The following PAH variants were observed in gnomAD, a reference collection of about 807,000 sequenced individuals.
The protein encoded by PAH is phenylalanine hydroxylase.
A neutral mutation model predicts 62.0 loss-of-function variants in PAH; 64 were observed. The ratio of observed to expected loss-of-function variants is 1.03; its 90% CI spans 0.84 to 1.27. PAH has a LOEUF of 1.27. Ranked by LOEUF, PAH falls within the 50% of genes most tolerant of loss-of-function variation. PAH has a pLI of 0.00. For synonymous variants in PAH, 195 were observed against 196.2 expected (o/e 0.99, Z 0.05); for missense variants, 579 against 542.8 (o/e 1.07, Z -0.66).
chr12:102,864,321 T>G (rs1203963137), intron 5 of PAH, among the ~76,000 whole-genome samples: 1 of 152,168 alleles, frequency 6.6e-6, no homozygotes, highest in Non-Finnish European at 1.5e-5. Context: ...TTTGAGATTC[T>G]GATTCTGCTT....
At chr12:102,958,290 C>A in exon 1 of PAH, 1 of 1,479,276 alleles carries the variant, frequency 6.8e-7, no homozygotes. Flanking sequence ...CGGCCAGCAG[C>A]CCCAGCCGCA....
At position 102,958,321 on chromosome 12, in the gene PAH, C is replaced by A. The variant is rs1433237057; in HGVS notation, c.-222G>T. 4 of 1,470,714 alleles carry A rather than the reference C, an allele frequency of 2.7e-6. No individual in the cohort carries two copies. In the Admixed American group the frequency reaches 1.0e-4, roughly 37 times the overall value. The allele number at this position is 1,470,714 out of a possible 1,614,324, so 91.1% of individuals were successfully genotyped here. A position where few individuals can be genotyped will look rare whatever the true frequency, so the allele number is the denominator to read the frequency against. ...CCGCAGCCCCAGCAGCCCTTCCTGC[C>A]GCCCGCAGCCTGTTTCTTTGCCACG... On this transcript the variant is annotated 5_prime_UTR_variant, in exon 1 of 5. Coordinates refer to the PAH transcript ENST00000551337.
At chr12:102,850,811 G>C (rs991851708) in intron 8 of PAH, among the ~76,000 whole-genome samples, 2 of 152,156 alleles carry the variant, frequency 1.3e-5, no homozygotes, top group African/African-American at 4.8e-5. Context: ...TTTTTGGCCA[G>C]GTGTGGTGGC....
At chr12:102,852,694 C>G (rs745603458) in intron 7 of PAH, 121 bp downstream of exon 7, 3 of 1,234,032 alleles carry the variant, frequency 2.4e-6, no homozygotes, top group Non-Finnish European at 3.6e-6. Context: ...GTACTACCAG[C>G]AAACAGTCTA....
chr12:102,918,326 C>A (rs2095357119), upstream of PAH, among the ~76,000 whole-genome samples: 1 of 152,136 alleles, frequency 6.6e-6, no homozygotes, highest in Non-Finnish European at 1.5e-5. Context: ...GGCCTCAAGC[C>A]TTGAGTGCCT....
chr12:102,861,832 G>T (rs1875733652), intron 5 of PAH, among the ~76,000 whole-genome samples: 1 of 152,192 alleles, frequency 6.6e-6, no homozygotes, highest in South Asian at 2.1e-4. Context: ...CCTGTTGTGG[G>T]GTTGGGGGAA....
At chr12:102,943,406 A>G (rs1051160514) in intron 1 of PAH, among the ~76,000 whole-genome samples, 1 of 152,178 alleles carries the variant, frequency 6.6e-6, no homozygotes, top group Non-Finnish European at 1.5e-5. Context: ...GATCATGAAA[A>G]AATAAAAATG....
rs62517208 is a variant in PAH, at chr12:102,855,143, G to T, written c.699C>A (p.Phe233Leu). 1.9e-6 allele frequency: 3 copies of T among 1,613,686 alleles called. No individual in the cohort carries two copies. The highest frequency in any genetic ancestry group is 2.5e-6 in the Non-Finnish European group (3 of 1,179,622). Residue 233 changes from phenylalanine (F) to leucine (L), a missense_variant, in exon 6 of 13, where the codon TTC (phenylalanine) becomes TTA (leucine). By Grantham distance (22) the Phe-to-Leu change is conservative. Coordinates refer to ENST00000553106, the MANE Select transcript of PAH (RefSeq NM_000277.3). ...NIPQLEDVSQ[F>L]LQTCTGFRLR... is the part of the protein sequence containing the mutation. ...ACCCTGATGTGGACTTACTCTGCAG[G>T]AACTGAGAAACGTCTTCCAGCTGGG...
At chr12:102,851,423 A>G (rs1875142456) in intron 8 of PAH, among the ~76,000 whole-genome samples, 1 of 152,226 alleles carries the variant, frequency 6.6e-6, no homozygotes, top group African/African-American at 2.4e-5. Context: ...TTCATGGATG[A>G]AAGGCTCTAG....
At chr12:102,885,532 C>T (rs998555301) in intron 3 of PAH, among the ~76,000 whole-genome samples, 2 of 152,100 alleles carry the variant, frequency 1.3e-5, no homozygotes, top group African/African-American at 4.8e-5. Flanking sequence ...GGGGGCAGAT[C>T]ATTAATAAAT....
upstream of PAH, among the ~76,000 whole-genome samples, chr12:102,919,448 G>A (rs1414327420): frequency 6.6e-6 from 1 of 152,068 alleles, no homozygotes; most frequent in African/African-American, 2.4e-5. Context: ...TTGCAAACAA[G>A]CCAATTATAC....
intron 11 of PAH, 143 bp downstream of exon 11, chr12:102,843,503 G>T: frequency 1.2e-6 from 1 of 839,882 alleles, no homozygotes; most frequent in Non-Finnish European, 2.0e-6. Context: ...GAAAAGGAGG[G>T]TGGAGAACAT....
chr12:102,913,004 A>C (rs1878263071), intron 1 of PAH, 106 bp from the exon 2 acceptor site: 8 of 753,568 alleles, frequency 1.1e-5, no homozygotes, highest in Non-Finnish European at 1.9e-5. Flanking sequence ...TTCTAGTTAA[A>C]TCTTGCAATA....
At chr12:102,879,876 C>T (rs1349253030) in intron 3 of PAH, among the ~76,000 whole-genome samples, 3 of 152,172 alleles carry the variant, frequency 2.0e-5, no homozygotes, top group African/African-American at 7.2e-5. Flanking sequence ...CCCTCTTTTC[C>T]AGATTGGCTC....
intron 5 of PAH, among the ~76,000 whole-genome samples, chr12:102,865,691 A>G (rs1404080951): frequency 3.3e-5 from 5 of 152,194 alleles, no homozygotes; most frequent in Non-Finnish European, 7.3e-5. Context: ...ATCTGACTAA[A>G]GACAGCACAT....
At chr12:102,926,047 A>G (rs925873522) in intron 1 of PAH, among the ~76,000 whole-genome samples, 2 of 151,984 alleles carry the variant, frequency 1.3e-5, no homozygotes, top group African/African-American at 4.8e-5. Flanking sequence ...TTGAAGATGT[A>G]CTAAGTGCCA....
chr12:102,933,693 T>C (rs944009698), intron 1 of PAH, among the ~76,000 whole-genome samples: 2 of 152,190 alleles, frequency 1.3e-5, no homozygotes, highest in African/African-American at 2.4e-5. Flanking sequence ...TCTCCGATGA[T>C]CAATGATATC....
rs1879977651 is a variant in PAH, at chr12:102,957,986, C to A, written c.-96+209G>T. On this transcript the variant is annotated intron_variant, in intron 1 of 4. Coordinates refer to the PAH transcript ENST00000551337. The surrounding 1 kb of genome is among the most constrained non-coding windows in gnomAD (Gnocchi z 4.1). The stretch of plus-strand genomic sequence containing the variant: ...CCACGCGAGGCTCCCGAAGCCAACC[C>A]GCGAAGGGAGGAGGGGAGGGAGGAG... 1 of 329,862 alleles carries A rather than the reference C, an allele frequency of 3.0e-6. No homozygotes were observed. Among genetic ancestry groups the A allele is most frequent in the Non-Finnish European group, 5.5e-6 (1 of 183,094 alleles). 20.4% of individuals were successfully genotyped at this position (329,862 alleles called of 1,614,324 possible).
chr12:102,900,318 G>T (rs112913764), intron 2 of PAH, among the ~76,000 whole-genome samples: 8,099 of 151,870 alleles, frequency 0.053, 752 homozygotes, highest in African/African-American at 0.19. Flanking sequence ...CAAAGTGCCG[G>T]GATTACAGGC....
Sources: gnomAD v4.1 joint callset for allele counts (sites outside exome capture counted in the v4.1 genomes callset) on GRCh38, gnomAD v4.1.1 for gene constraint, Gnocchi (gnomAD v3.1) non-coding constraint, MANE v1.5 for transcripts, NCBI Gene and HGNC (gene_info 2026-07-23, HGNC 2026-07-21) for gene names.